Variants in GNA14 observed in about 807,000 individuals in gnomAD.
GNA14 encodes the protein guanine nucleotide-binding protein subunit alpha-14.
In GNA14, 50 loss-of-function variants were observed where a neutral mutation model predicts 42.0. The observed-to-expected ratio is 1.19, with a 90% CI of 0.95 to 1.51. The LOEUF is 1.51. Ranked by LOEUF, GNA14 falls within the 40% of genes most tolerant of loss-of-function variation. The pLI is 0.00. For synonymous variants in GNA14, 173 were observed against 163.1 expected (o/e 1.06, Z -0.46); for missense variants, 473 against 446.2 (o/e 1.06, Z -0.54).
At chr9:77,508,167 A>G (rs554186979) in intron 2 of GNA14, among the ~76,000 whole-genome samples, 3 of 152,260 alleles carry the variant, frequency 2.0e-5, no homozygotes, top group Non-Finnish European at 4.4e-5. Flanking sequence ...TACTTCCACC[A>G]TTGCCTCAAT....
At chr9:77,462,732 T>G (rs1008028896) in intron 2 of GNA14, among the ~76,000 whole-genome samples, 115 of 100,246 alleles carry the variant, frequency 1.1e-3, no homozygotes, top group Middle Eastern at 4.5e-3. Flanking sequence ...GGGCGGGGGG[T>G]GGGGGGGTGG....
At chr9:77,618,865 C>A (rs1418942152) in intron 1 of GNA14, among the ~76,000 whole-genome samples, 1 of 150,594 alleles carries the variant, frequency 6.6e-6, no homozygotes, top group African/African-American at 2.4e-5. Context: ...GATCTCCTGA[C>A]CTCGTGATCC....
chr9:77,572,981 G>A (rs1823081942), intron 1 of GNA14, among the ~76,000 whole-genome samples: 1 of 152,148 alleles, frequency 6.6e-6, no homozygotes, highest in Admixed American at 6.5e-5. Flanking sequence ...ACAATATACT[G>A]TCGACGCTAA....
chr9:77,550,956 T>C (rs1837779535), intron 1 of GNA14, among the ~76,000 whole-genome samples: 1 of 152,230 alleles, frequency 6.6e-6, no homozygotes, highest in Non-Finnish European at 1.5e-5. Context: ...GTTCCTGTTT[T>C]AAATTCAGTA....
intron 1 of GNA14, among the ~76,000 whole-genome samples, chr9:77,570,025 A>G (rs1362789211): frequency 6.6e-6 from 1 of 152,094 alleles, no homozygotes; most frequent in Non-Finnish European, 1.5e-5. Flanking sequence ...TCGGCCTCCC[A>G]AAGTGCTGGG....
chr9:77,512,648 T>C (rs1332029766), intron 2 of GNA14, among the ~76,000 whole-genome samples: 1 of 152,182 alleles, frequency 6.6e-6, no homozygotes, highest in African/African-American at 2.4e-5. Flanking sequence ...AAAGGGATAT[T>C]CATAAACACA....
At chr9:77,510,772 T>C (rs1837152429) in intron 2 of GNA14, among the ~76,000 whole-genome samples, 1 of 152,126 alleles carries the variant, frequency 6.6e-6, no homozygotes, top group Non-Finnish European at 1.5e-5. Flanking sequence ...CCCTAGGATA[T>C]AATTAGGAGG....
chr9:77,589,978 G>A lies in GNA14; in HGVS notation c.124+57692C>T, dbSNP rs181352132. 1.8e-3 allele frequency among the ~76,000 whole-genome samples: 269 copies of A among 152,180 alleles called. 1 individual carries two copies. Among genetic ancestry groups the A allele is most frequent in the Non-Finnish European group, 2.7e-3 (184 of 67,996 alleles). ...GTCACCCAGGCTGGAGTGCAGTGGC[G>A]CAATATCGGCTCACTGCAACCTCGG... On this transcript the variant is annotated intron_variant, in intron 1 of 6. Transcript: ENST00000341700.
At chr9:77,439,141 T>G (rs1243033715) in intron 2 of GNA14, among the ~76,000 whole-genome samples, 1 of 152,184 alleles carries the variant, frequency 6.6e-6, no homozygotes, top group Non-Finnish European at 1.5e-5. Context: ...GGTCTGTTCT[T>G]TAGTCAAGAC....
At chr9:77,630,614 C>A (rs925623327) in intron 1 of GNA14, among the ~76,000 whole-genome samples, 16 of 152,070 alleles carry the variant, frequency 1.1e-4, no homozygotes, top group African/African-American at 4.8e-5. Context: ...TAAATTGAAA[C>A]CTAATCAAAG....
chr9:77,553,215 C>T (rs1390324928), intron 1 of GNA14, among the ~76,000 whole-genome samples: 1 of 152,028 alleles, frequency 6.6e-6, no homozygotes, highest in Non-Finnish European at 1.5e-5. Flanking sequence ...TTGGATATAC[C>T]CGGGCTCCTT....
chr9:77,516,385 T>C (rs1318990791), intron 2 of GNA14, among the ~76,000 whole-genome samples: 3 of 152,170 alleles, frequency 2.0e-5, no homozygotes, highest in African/African-American at 7.2e-5. Context: ...TACCACTCAC[T>C]TGGAGGCAGG....
chr9:77,424,412 G>A (rs764056623), intron 6 of GNA14, among the ~76,000 whole-genome samples: 35 of 152,062 alleles, frequency 2.3e-4, no homozygotes, highest in Non-Finnish European at 3.7e-4. Flanking sequence ...TAGTAGAAAC[G>A]GGGTTTTACC....
chr9:77,488,479 T>G (rs1195602463), intron 2 of GNA14, among the ~76,000 whole-genome samples: 1 of 152,160 alleles, frequency 6.6e-6, no homozygotes, highest in Non-Finnish European at 1.5e-5. Flanking sequence ...TCCACCACCA[T>G]GGAAACTCTG....
At chr9:77,639,583 A>G (rs1038833868) in intron 1 of GNA14, among the ~76,000 whole-genome samples, 13 of 152,244 alleles carry the variant, frequency 8.5e-5, no homozygotes, top group Admixed American at 7.2e-4. Flanking sequence ...GAAGATGGTC[A>G]CAGGTGATTT....
At chr9:77,425,525 C>T in intron 6 of GNA14, 37 bp downstream of exon 6, 1 of 1,524,894 alleles carries the variant, frequency 6.6e-7, no homozygotes, top group Non-Finnish European at 8.9e-7. Context: ...TGGACGAGAT[C>T]AGCACAGAAA....
intron 1 of GNA14, among the ~76,000 whole-genome samples, chr9:77,543,725 C>G (rs1416615130): frequency 1.3e-5 from 2 of 152,144 alleles, no homozygotes; most frequent in Non-Finnish European, 2.9e-5. Context: ...CCTTGCTTCC[C>G]TCTCCTTCTT....
At chr9:77,562,577 T>C (rs1191991975) in intron 1 of GNA14, among the ~76,000 whole-genome samples, 2 of 152,130 alleles carry the variant, frequency 1.3e-5, no homozygotes, top group African/African-American at 4.8e-5. Context: ...TTTCAATGAT[T>C]GAAAATGGGT....
In GNA14 at chr9:77,593,916, G is replaced by A. The variant is rs571697600; in HGVS notation, c.124+53754C>T. On this transcript the variant is annotated intron_variant, in intron 1 of 6. Transcript: ENST00000341700. ...TACTCTTCCCTCCTAGTGAGCACACGAGAGTCTGATCATACTGGAGCTGCC... is the reference window on the plus strand; with the variant it reads ...TACTCTTCCCTCCTAGTGAGCACACAAGAGTCTGATCATACTGGAGCTGCC... 6.6e-5 allele frequency among the ~76,000 whole-genome samples: 10 copies of A among 152,314 alleles called. No individual in the cohort carries two copies. The East Asian group carries it at 7.7e-4, about 12-fold the overall frequency.
Sources: gnomAD v4.1 joint callset for allele counts (sites outside exome capture counted in the v4.1 genomes callset) on GRCh38, gnomAD v4.1.1 for gene constraint, MANE v1.5 for transcripts, NCBI Gene and HGNC (gene_info 2026-07-23, HGNC 2026-07-21) for gene names.